The following NCAPG2 variants were observed in gnomAD, a reference collection of about 807,000 sequenced individuals.
The protein encoded by NCAPG2 is condensin-2 complex subunit G2.
A neutral mutation model predicts 141.1 loss-of-function variants in NCAPG2; 53 were observed. The observed-to-expected ratio is 0.38, with a 90% CI of 0.30 to 0.47. The LOEUF (loss-of-function observed/expected upper bound fraction) is 0.47, where lower values mean the gene tolerates loss of function less well. NCAPG2 is among the 20% of genes least tolerant of loss of function. NCAPG2 has a pLI of 0.99. For missense variants in NCAPG2, 1,087 were observed against 1,389.0 expected (o/e 0.78, Z 3.46); for synonymous variants, 499 against 490.7 (o/e 1.02, Z -0.22).
rs2129468945 is a variant in NCAPG2 at position 158,690,077 on chromosome 7, A to G, written c.538-124T>C. The G allele has an allele frequency of 3.9e-6, 4 of 1,012,708 alleles. No individual in the cohort carries two copies. In the East Asian group the frequency reaches 9.4e-5, roughly 24 times the overall value. 62.7% of individuals were successfully genotyped at this position (1,012,708 alleles called of 1,614,324 possible). The stretch of plus-strand genomic sequence containing the variant: ...TTGATTCATCAAAGATTAAAAAATA[A>G]CGACAAATAAAAACAGATTTTAAAA... On this transcript the variant is annotated intron_variant, in intron 5 of 27. Transcript: ENST00000356309.
At chr7:158,658,604 T>C (rs760687519) in intron 16 of NCAPG2, among the ~76,000 whole-genome samples, 196 bp from the exon 17 acceptor site, 4 of 152,242 alleles carry the variant, frequency 2.6e-5, no homozygotes, top group Admixed American at 6.5e-5. Context: ...GTGAGTGTTA[T>C]GGAAGTTTTA....
chr7:158,645,124 A>G (rs1325635698), intron 26 of NCAPG2, among the ~76,000 whole-genome samples: 1 of 152,246 alleles, frequency 6.6e-6, no homozygotes, highest in African/African-American at 2.4e-5. Context: ...GAAATAGTAG[A>G]TAGGTCAAAT....
At chr7:158,665,296 C>A (rs1427335579) in intron 13 of NCAPG2, 1 of 153,592 alleles carries the variant, frequency 6.5e-6, no homozygotes, top group Non-Finnish European at 1.5e-5. Context: ...ACCCATCTCA[C>A]ATGCAGCCTC....
rs1730270795 is a variant in NCAPG2, at chr7:158,681,381, C to CT, written c.925-566dup. On this transcript the variant is annotated intron_variant, in intron 9 of 27. Coordinates refer to ENST00000356309, the MANE Select transcript of NCAPG2 (RefSeq NM_017760.7). ...TCTTGTAGCTTTCATTCTTCTTTTC[C>CT]TACTCACTTCTTTTCCAGTCAGAAT... Among the ~76,000 whole-genome samples the CT allele has an allele frequency of 2.0e-5, 3 of 152,268 alleles. No homozygotes were observed. In the South Asian group the frequency reaches 6.2e-4, roughly 32 times the overall value.
At chr7:158,675,689 C>T (rs374455157) in intron 11 of NCAPG2, 33 bp from the exon 12 acceptor site, 3 of 1,587,172 alleles carry the variant, frequency 1.9e-6, no homozygotes, top group Non-Finnish European at 2.6e-6. Context: ...GCTTAAAAAC[C>T]TTGACTTATT....
intron 26 of NCAPG2, 128 bp downstream of exon 26, chr7:158,645,391 G>A: frequency 2.7e-6 from 2 of 734,720 alleles, no homozygotes; most frequent in Non-Finnish European, 2.3e-6. Flanking sequence ...GGCAGGGAGT[G>A]GAAAGGCTGG....
chr7:158,658,016 G>A lies in NCAPG2; in HGVS notation c.2060+322C>T, dbSNP rs536797037. ...AAGTACCCAGGGACACAAACGCTGCGGAAGGCCGCAGGGTCCTCTGCCTAG... is the reference window on the plus strand; with the variant it reads ...AAGTACCCAGGGACACAAACGCTGCAGAAGGCCGCAGGGTCCTCTGCCTAG... On this transcript the variant is annotated intron_variant, in intron 17 of 27. Transcript: ENST00000356309. 2.1e-3 allele frequency among the ~76,000 whole-genome samples: 317 copies of A among 151,976 alleles called. 2 individuals carry two copies. The highest frequency in any genetic ancestry group is 3.0e-3 in the Non-Finnish European group (201 of 67,906).
chr7:158,660,321 T>C (rs973171495), intron 16 of NCAPG2, among the ~76,000 whole-genome samples: 3 of 150,256 alleles, frequency 2.0e-5, no homozygotes, highest in Admixed American at 6.6e-5. Context: ...TCCGCCAACC[T>C]ACCTGGTGTC....
rs76015523 is a variant in NCAPG2 at position 158,669,768 on chromosome 7, C to A, written c.1479+1746G>T. ...TGGGTGACAGAGCGAGACTCTGTCT[C>A]AAAAAAAAAAAAAAAAAAAAAAAAA... On this transcript the variant is annotated intron_variant, in intron 13 of 27. Coordinates refer to ENST00000356309, the MANE Select transcript of NCAPG2 (RefSeq NM_017760.7). Among the ~76,000 whole-genome samples, 496 of 53,632 alleles carry A rather than the reference C, an allele frequency of 9.2e-3. 8 individuals are homozygous for A. Among genetic ancestry groups the A allele is most frequent in the Middle Eastern group, 0.019 (1 of 54 alleles). The allele number at this position is 53,632 out of a possible 152,430, so 35.2% of individuals were successfully genotyped here.
intron 9 of NCAPG2, among the ~76,000 whole-genome samples, chr7:158,681,319 C>A (rs950056367): frequency 1.3e-5 from 2 of 152,170 alleles, no homozygotes; most frequent in African/African-American, 4.8e-5. Flanking sequence ...GTATCAAGTT[C>A]CTCCCAAAAC....
intron 8 of NCAPG2, 147 bp downstream of exon 8, chr7:158,686,025 G>A: frequency 1.9e-6 from 1 of 516,418 alleles, no homozygotes; most frequent in Non-Finnish European, 3.4e-6. Flanking sequence ...GCAAGTGACT[G>A]GATTGCCCAT....
intron 15 of NCAPG2, among the ~76,000 whole-genome samples, chr7:158,663,087 G>A (rs1209251496): frequency 1.3e-5 from 2 of 152,232 alleles, no homozygotes; most frequent in Non-Finnish European, 2.9e-5. Flanking sequence ...ACACGTAAGT[G>A]CATTGTGGCT....
intron 27 of NCAPG2, among the ~76,000 whole-genome samples, chr7:158,635,880 C>T (rs1176609382): frequency 6.6e-6 from 1 of 152,168 alleles, no homozygotes; most frequent in East Asian, 1.9e-4. Flanking sequence ...TCTAGTCCAA[C>T]GTTAAATCAA....
At position 158,664,544 on chromosome 7, in the gene NCAPG2, G is replaced by A. The variant is rs374298831; in HGVS notation, c.1686C>T (p.Thr562=). ...RRFYQYAHEH[T]ACTNIAKLIH... ...ACTCCCTACCTATGTTGGTGCAGGC[G>A]GTGTGTTCGTGGGCGTACTGATAGA... Residue 562 remains threonine, a synonymous_variant, in exon 14 of 28, where the codon ACC becomes ACT. Coordinates refer to ENST00000356309, the MANE Select transcript of NCAPG2 (RefSeq NM_017760.7). 6.8e-4 allele frequency: 1,093 copies of A among 1,614,084 alleles called. No homozygotes were observed. The highest frequency in any genetic ancestry group is 8.5e-4 in the Non-Finnish European group (1,000 of 1,179,998).
chr7:158,640,915 A>G (rs1270633614), intron 27 of NCAPG2: 1 of 152,342 alleles, frequency 6.6e-6, no homozygotes, highest in East Asian at 1.9e-4. Context: ...ATACCTTAGC[A>G]AAATGAATGA....
intron 22 of NCAPG2, among the ~76,000 whole-genome samples, chr7:158,653,346 CAGAG>C (rs1831626688): frequency 8.1e-6 from 1 of 123,552 alleles, no homozygotes; most frequent in Admixed American, 8.7e-5. Context: ...GCCTGGGCAA[CAGAG>C]AAAGACTTGG....
At chr7:158,690,091 CAG>C (rs1835027266) in intron 5 of NCAPG2, 138 bp from the exon 6 acceptor site, 1 of 959,670 alleles carries the variant, frequency 1.0e-6, no homozygotes. Flanking sequence ...CAAATAAAAA[CAG>C]ATTTTAAAAT....
chr7:158,690,224 GTGCAGTAGACATTAGCCACAT>G (rs1437723675), intron 5 of NCAPG2, among the ~76,000 whole-genome samples: 1 of 152,142 alleles, frequency 6.6e-6, no homozygotes, highest in Non-Finnish European at 1.5e-5. Context: ...GAACTGTCTA[GTGCAGTAGACATTAGCCACAT>G]TTCACTGTAG....
At chr7:158,670,328 G>A (rs1034302134) in intron 13 of NCAPG2, among the ~76,000 whole-genome samples, 2 of 152,320 alleles carry the variant, frequency 1.3e-5, no homozygotes, top group South Asian at 2.1e-4. Flanking sequence ...CACTTTGGGA[G>A]GCCAAGGTGG....
Sources: gnomAD v4.1 joint callset for allele counts (sites outside exome capture counted in the v4.1 genomes callset) on GRCh38, gnomAD v4.1.1 for gene constraint, MANE v1.5 for transcripts, NCBI Gene and HGNC (gene_info 2026-07-23, HGNC 2026-07-21) for gene names.